Variants in GALC observed in about 807,000 individuals in gnomAD.
The protein encoded by GALC is galactocerebrosidase.
A neutral mutation model predicts 91.8 loss-of-function variants in GALC; 77 were observed. The ratio of observed to expected loss-of-function variants is 0.84; its 90% CI spans 0.70 to 1.01. GALC has a LOEUF of 1.01. Ranked by LOEUF, GALC falls within the 50% of genes least tolerant of loss-of-function variation. The pLI is 0.00. For synonymous variants in GALC, 357 were observed against 306.7 expected, an observed-to-expected ratio of 1.16 and a Z score of -1.71; for missense variants, 882 against 855.9, an observed-to-expected ratio of 1.03 and a Z score of -0.38.
At chr14:87,954,317 G>A (rs1248020153) in intron 10 of GALC, 116 of 1,591,902 alleles carry the variant, frequency 7.3e-5, no homozygotes, top group Non-Finnish European at 9.7e-5. Flanking sequence ...TACTGACAGA[G>A]GCAGTATACA....
chr14:87,990,711 G>A (rs1056795541), intron 1 of GALC, among the ~76,000 whole-genome samples: 1 of 152,100 alleles, frequency 6.6e-6, no homozygotes, highest in Non-Finnish European at 1.5e-5. Context: ...AGAAAGTATC[G>A]GCTTTAGGCA....
chr14:87,953,875 G>T (rs2139970899), intron 10 of GALC: 2 of 1,610,094 alleles, frequency 1.2e-6, no homozygotes, highest in South Asian at 1.1e-5. Flanking sequence ...ATAAAATTCG[G>T]ACCAAATTCT....
rs1250488043 is a variant in GALC, at chr14:87,965,729, T to C, written c.909-100A>G. On this transcript the variant is annotated intron_variant, in intron 8 of 16. Transcript: ENST00000261304. ...AAAGACTTTATCATAGTAATACACATCTACATAAATGACAATAAAAGGATC... is the reference window on the plus strand; with the variant it reads ...AAAGACTTTATCATAGTAATACACACCTACATAAATGACAATAAAAGGATC... The C allele has an allele frequency of 1.9e-5, 21 of 1,115,086 alleles. No individual in the cohort carries two copies. The East Asian group carries it at 5.0e-4, about 27-fold the overall frequency. 69.1% of individuals were successfully genotyped at this position (1,115,086 alleles called of 1,614,324 possible). A position where few individuals can be genotyped will look rare whatever the true frequency, so the allele number is the denominator to read the frequency against.
intron 1 of GALC, among the ~76,000 whole-genome samples, chr14:87,989,036 C>T (rs1189915144): frequency 6.6e-6 from 1 of 152,152 alleles, no homozygotes; most frequent in African/African-American, 2.4e-5. Context: ...ACAAGAGTGG[C>T]ATCAGAATGC....
chr14:87,944,307 C>G (rs1054249879), intron 14 of GALC, among the ~76,000 whole-genome samples: 1 of 151,810 alleles, frequency 6.6e-6, no homozygotes, highest in Non-Finnish European at 1.5e-5. Context: ...AGAAAGAGCC[C>G]TCTATGGTAT....
intron 6 of GALC, among the ~76,000 whole-genome samples, chr14:87,978,210 C>A (rs562014419): frequency 6.6e-6 from 1 of 152,266 alleles, no homozygotes; most frequent in South Asian, 2.1e-4. Context: ...TGGCACCATG[C>A]CTGGCTAATT....
At chr14:87,986,000 AC>A (rs1264448227) in intron 4 of GALC, among the ~76,000 whole-genome samples, 2 of 152,206 alleles carry the variant, frequency 1.3e-5, no homozygotes, top group Non-Finnish European at 2.9e-5. Flanking sequence ...TTTTGTATGT[AC>A]CTTTTCTAAA....
At chr14:87,936,452 GC>G (rs1017521584) in intron 16 of GALC, among the ~76,000 whole-genome samples, 2 of 151,222 alleles carry the variant, frequency 1.3e-5, no homozygotes, top group African/African-American at 4.9e-5. Context: ...ATTGTCTATG[GC>G]TTTTTTACTC....
chr14:87,989,856 C>A lies in GALC; in HGVS notation c.196-1333G>T, dbSNP rs76872250. ...AAAGCTTTCAGGATAAAGTTCAAAT[C>A]GCTCAATTTTGCACCCAAATCCCTT... is the stretch of plus-strand genomic sequence containing the variant. On this transcript the variant is annotated intron_variant, in intron 1 of 16. Transcript: ENST00000261304. 4.9e-4 allele frequency among the ~76,000 whole-genome samples: 75 copies of A among 152,208 alleles called. 1 individual carries two copies. The highest frequency in any genetic ancestry group is 1.7e-3 in the African/African-American group (69 of 41,526).
rs1176265523 is a variant in GALC at position 87,936,921 on chromosome 14, T to TATATATATATA, written c.1912-2044_1912-2043insTATATATATAT. 1.9e-4 allele frequency among the ~76,000 whole-genome samples: 27 copies of TATATATATATA among 141,138 alleles called. 1 individual carries two copies. The highest frequency in any genetic ancestry group is 6.6e-4 in the South Asian group (3 of 4,512). 92.6% of individuals were successfully genotyped at this position (141,138 alleles called of 152,430 possible). ...CTATATATATATATATATTTATTTA[T>TATATATATATA]TTTCTCATTGAATCTTCATAAGAAA... On this transcript the variant is annotated intron_variant, in intron 16 of 16. Transcript: ENST00000261304.
intron 1 of GALC, chr14:87,992,171 C>G: frequency 1.1e-6 from 1 of 933,018 alleles, no homozygotes; most frequent in Non-Finnish European, 1.6e-6. Context: ...CAAGCTTGTT[C>G]TGAGTTGAAT....
intron 1 of GALC, chr14:87,992,712 C>A: frequency 7.0e-7 from 1 of 1,431,814 alleles, no homozygotes; most frequent in Non-Finnish European, 9.1e-7. Flanking sequence ...ACTTTACTCT[C>A]TGCACCTATA....
At chr14:87,952,550 A>G in intron 10 of GALC, 1 of 880,696 alleles carries the variant, frequency 1.1e-6, no homozygotes, top group East Asian at 2.7e-5. Flanking sequence ...TAAAAATGAC[A>G]GTATCACAAC....
At chr14:87,993,532 G>A, upstream of GALC, 2 of 1,457,584 alleles carry the variant, frequency 1.4e-6, no homozygotes, top group Non-Finnish European at 1.9e-6. Flanking sequence ...CGAGGACCAG[G>A]CTTGGACACC....
intron 6 of GALC, among the ~76,000 whole-genome samples, chr14:87,978,950 T>C (rs2140021922): frequency 6.6e-6 from 1 of 152,322 alleles, no homozygotes; most frequent in South Asian, 2.1e-4. Context: ...CATCTTATTA[T>C]CCCATAAAGA....
intron 15 of GALC, 22 bp downstream of exon 15, chr14:87,941,373 A>T (rs1173606036): frequency 5.5e-6 from 4 of 727,274 alleles, no homozygotes; most frequent in Non-Finnish European, 7.9e-6. Flanking sequence ...ATATGCTATT[A>T]AAAAAAAAAA....
intron 11 of GALC, 49 bp from the exon 12 acceptor site, chr14:87,949,980 C>G (rs138094990): frequency 7.4e-5 from 69 of 934,002 alleles, no homozygotes; most frequent in Non-Finnish European, 1.0e-4. Flanking sequence ...ATCACATCCT[C>G]TTTGAGGATT....
chr14:87,947,112 A>C (rs920440962), intron 13 of GALC, among the ~76,000 whole-genome samples: 1 of 151,998 alleles, frequency 6.6e-6, no homozygotes, highest in Non-Finnish European at 1.5e-5. Context: ...AACCTACAGA[A>C]CACCACCAAG....
chr14:87,934,134 A>G lies in GALC; in HGVS notation c.*598T>C. 1 of 1,433,402 alleles carries G rather than the reference A, an allele frequency of 7.0e-7. No homozygotes were observed. The highest frequency in any genetic ancestry group is 9.2e-7 in the Non-Finnish European group (1 of 1,092,440). 88.8% of individuals were successfully genotyped at this position (1,433,402 alleles called of 1,614,324 possible). On this transcript the variant is annotated 3_prime_UTR_variant, in exon 17 of 17. Coordinates refer to ENST00000261304, the MANE Select transcript of GALC (RefSeq NM_000153.4). The stretch of plus-strand genomic sequence containing the variant: ...GAAATAGTGTTAGAGGTAGTTTATT[A>G]AAGAGGCATTTTTAAAATCATCCCA...
Sources: gnomAD v4.1 joint callset for allele counts (sites outside exome capture counted in the v4.1 genomes callset) on GRCh38, gnomAD v4.1.1 for gene constraint, MANE v1.5 for transcripts, NCBI Gene and HGNC (gene_info 2026-07-23, HGNC 2026-07-21) for gene names.